Variants in SH3YL1 observed in about 807,000 individuals in gnomAD.
SH3YL1 encodes SH3 domain-containing YSC84-like protein 1.
In SH3YL1, 41 loss-of-function variants were observed where a neutral mutation model predicts 45.8. The observed-to-expected ratio is 0.89, with a 90% CI of 0.70 to 1.16. The LOEUF (loss-of-function observed/expected upper bound fraction) is 1.16, where lower values mean the gene tolerates loss of function less well. Among genes scored for constraint, SH3YL1 ranks in the 50% most tolerant of loss-of-function variants. SH3YL1 has a pLI of 0.00. For synonymous variants in SH3YL1, 152 were observed against 151.4 expected (o/e 1.00, Z -0.03); for missense variants, 389 against 409.6 (o/e 0.95, Z 0.43).
rs1275247921 is a variant in SH3YL1 at position 262,777 on chromosome 2, T to C, written c.1+1207A>G. ...TGCGGAATGAGAAATCTCTTGAGAA[T>C]AAAGTTTTCCTAAACAGAACAAAAG... On this transcript the variant is annotated intron_variant, in intron 1 of 9. Coordinates refer to ENST00000356150, the MANE Select transcript of SH3YL1 (RefSeq NM_015677.4). The C allele has an allele frequency of 5.3e-5, 59 of 1,113,824 alleles. No individual in the cohort carries two copies. The Admixed American group carries it at 2.1e-3, about 40-fold the overall frequency. The allele number at this position is 1,113,824 out of a possible 1,614,324, so 69.0% of individuals were successfully genotyped here.
At chr2:254,044 A>C (rs1403277700) in intron 1 of SH3YL1, among the ~76,000 whole-genome samples, 7 of 152,182 alleles carry the variant, frequency 4.6e-5, no homozygotes, top group Non-Finnish European at 1.5e-5. Flanking sequence ...CCTGCAATTA[A>C]CAGACTTCAA....
At chr2:255,680 A>G (rs1324583301) in intron 1 of SH3YL1, among the ~76,000 whole-genome samples, 1 of 152,234 alleles carries the variant, frequency 6.6e-6, no homozygotes, top group African/African-American at 2.4e-5. Flanking sequence ...AGATGTCAGT[A>G]TCAGTTCTTT....
At position 233,195 on chromosome 2, in the gene SH3YL1, C is replaced by A; in HGVS notation, c.439G>T (p.Ala147Ser). 1 of 1,589,690 alleles carries A rather than the reference C, an allele frequency of 6.3e-7. No homozygotes were observed. ...LEGNVALRSSAAVFTYCKSRG... is the reference protein window; with the variant it reads ...LEGNVALRSSSAVFTYCKSRG... The stretch of plus-strand genomic sequence containing the variant: ...GACTTGCAGTACGTGAAGACGGCAG[C>A]GGAGCTTCTCAGGGCCACGTTTCCT... Residue 147 changes from alanine to serine, a missense_variant, in exon 6 of 10, where the codon GCT (alanine) becomes TCT (serine). Transcript: ENST00000356150.
intron 4 of SH3YL1, among the ~76,000 whole-genome samples, chr2:235,289 A>C (rs1308248334): frequency 2.0e-5 from 3 of 152,276 alleles, no homozygotes. Flanking sequence ...TGCAATGTGG[A>C]AGTCCAAAGT....
Position 233,150 on chromosome 2 carries a change from C to A in SH3YL1, c.484G>T (p.Val162Leu), listed in dbSNP as rs750869921. The A allele has an allele frequency of 1.2e-6, 2 of 1,600,610 alleles. No homozygotes were observed. Among genetic ancestry groups the A allele is most frequent in the Non-Finnish European group, 1.7e-6 (2 of 1,172,250 alleles). The change falls in exon 6 of 10, where the codon GTG becomes TTG. Residue 162 changes from valine (V) to leucine (L), a missense_variant. Transcript: ENST00000356150. The stretch of plus-strand genomic sequence containing the variant: ...ATCAAACAGCTCCCTTCTAAAGACA[C>A]GCCTGCAAAGAGTCCCCTTGACTTG... Reference protein sequence around the residue: ...YCKSRGLFAGVSLEGSCLIER... With the variant: ...YCKSRGLFAGLSLEGSCLIER...
At chr2:238,391 T>G (rs1668398975) in intron 4 of SH3YL1, among the ~76,000 whole-genome samples, 1 of 151,996 alleles carries the variant, frequency 6.6e-6, no homozygotes. Context: ...CCAACAGATC[T>G]TTTCCTTACA....
intron 4 of SH3YL1, among the ~76,000 whole-genome samples, chr2:245,671 C>T (rs551548470): frequency 3.3e-5 from 5 of 152,212 alleles, no homozygotes; most frequent in African/African-American, 1.2e-4. Context: ...TCTCTTACAG[C>T]TCACCACTGT....
chr2:233,303 CCTT>C (rs1439910961), intron 5 of SH3YL1, 74 bp from the exon 6 acceptor site: 14 of 1,339,740 alleles, frequency 1.0e-5, no homozygotes, highest in Middle Eastern at 1.9e-4. Flanking sequence ...AAATAGCACT[CCTT>C]CTAGCTCAAA....
rs749032325 is a variant in SH3YL1 at position 234,224 on chromosome 2, A to C, written c.340T>G (p.Phe114Val). The C allele has an allele frequency of 6.2e-7, 1 of 1,614,136 alleles. No homozygotes were observed. The highest frequency in any genetic ancestry group is 1.1e-5 in the South Asian group (1 of 91,074). Residue 114 changes from phenylalanine to valine, a missense_variant, in exon 5 of 10, where the codon TTT (phenylalanine) becomes GTT (valine). Phe to Val is a conservative substitution (Grantham distance 50, BLOSUM62 -1). Coordinates refer to ENST00000356150, the MANE Select transcript of SH3YL1 (RefSeq NM_015677.4). ...AGGGTCAGATTTCCGCCTTTTGCAA[A>C]AGCTTCTACAGCACGGTCATAATTC... ...ILNYDRAVEA[F>V]AKGGNLTLGG... is the part of the protein sequence containing the mutation.
intron 4 of SH3YL1, chr2:242,841 G>C: frequency 6.6e-7 from 1 of 1,522,382 alleles, no homozygotes; most frequent in East Asian, 2.5e-5. Context: ...GTGTCATGCA[G>C]ATGGCAACCT....
At chr2:235,425 T>C (rs796852331) in intron 4 of SH3YL1, among the ~76,000 whole-genome samples, 6,911 of 20,736 alleles carry the variant, frequency 0.33, 152 homozygotes, top group Middle Eastern at 0.38. Context: ...GCAGCATGGG[T>C]CAGGGGAGGC....
intron 1 of SH3YL1, among the ~76,000 whole-genome samples, chr2:254,823 G>T (rs1669244169): frequency 6.6e-6 from 1 of 152,202 alleles, no homozygotes; most frequent in Non-Finnish European, 1.5e-5. Flanking sequence ...ATATCTGATT[G>T]TTTCCTTTGC....
chr2:237,534 T>G (rs1273195565), intron 4 of SH3YL1, among the ~76,000 whole-genome samples: 1 of 152,022 alleles, frequency 6.6e-6, no homozygotes, highest in African/African-American at 2.4e-5. Context: ...CTGTAAGCAT[T>G]TGATAAGACT....
intron 4 of SH3YL1, among the ~76,000 whole-genome samples, chr2:246,487 G>T (rs1269496493): frequency 1.3e-5 from 2 of 152,092 alleles, no homozygotes; most frequent in Non-Finnish European, 2.9e-5. Flanking sequence ...AGGAGCCAGA[G>T]GGTTGTGGGA....
At chr2:249,135 T>C (rs1350004020) in intron 3 of SH3YL1, among the ~76,000 whole-genome samples, 1 of 152,214 alleles carries the variant, frequency 6.6e-6, no homozygotes, top group Non-Finnish European at 1.5e-5. Context: ...CACACCTGTG[T>C]CCATTTTAAA....
rs1668122215 is a variant in SH3YL1 at position 233,148 on chromosome 2, C to T, written c.486G>A (p.Val162=). The change falls in exon 6 of 10, where the codon GTG becomes GTA. Residue 162 remains valine, a synonymous_variant. Transcript: ENST00000356150. ...YCKSRGLFAG[V]SLEGSCLIER... The stretch of plus-strand genomic sequence containing the variant: ...CAATCAAACAGCTCCCTTCTAAAGA[C>T]ACGCCTGCAAAGAGTCCCCTTGACT... 6 of 1,600,582 alleles carry T rather than the reference C, an allele frequency of 3.7e-6. No homozygotes were observed. Among genetic ancestry groups the T allele is most frequent in the Non-Finnish European group, 5.1e-6 (6 of 1,172,242 alleles).
At chr2:244,529 A>AG (rs1668700661) in intron 4 of SH3YL1, 3 of 147,074 alleles carry the variant, frequency 2.0e-5, no homozygotes, top group African/African-American at 7.5e-5. Flanking sequence ...AGAAAAGAAA[A>AG]AGAAAGAAAG....
At chr2:237,120 T>G (rs1419733752) in intron 4 of SH3YL1, among the ~76,000 whole-genome samples, 1 of 86,240 alleles carries the variant, frequency 1.2e-5, no homozygotes. Flanking sequence ...AAATTTGCCT[T>G]CCATAATGCT....
chr2:236,549 C>T (rs1285767527), intron 4 of SH3YL1, among the ~76,000 whole-genome samples: 3 of 152,086 alleles, frequency 2.0e-5, no homozygotes, highest in Admixed American at 6.5e-5. Flanking sequence ...GCATGCTGTG[C>T]GACCTTGGGC....
Sources: allele counts gnomAD v4.1 joint callset (sites outside exome capture counted in the v4.1 genomes callset), GRCh38; gene constraint gnomAD v4.1.1; transcripts MANE v1.5; gene names NCBI Gene and HGNC (gene_info 2026-07-23, HGNC 2026-07-21).